The following MED13 variants were observed in gnomAD, a reference collection of about 807,000 sequenced individuals.
The protein encoded by MED13 is mediator of RNA polymerase II transcription subunit 13.
In MED13, 23 loss-of-function variants were observed where a neutral mutation model predicts 225.2. The observed-to-expected ratio is 0.10, with a 90% CI of 0.07 to 0.14. The LOEUF is 0.14. MED13 is among the 10% of genes least tolerant of loss of function. The pLI is 1.00. For missense variants in MED13, 2,197 were observed against 2,594.5 expected, an observed-to-expected ratio of 0.85 and a Z score of 3.33; for synonymous variants, 942 against 889.2, an observed-to-expected ratio of 1.06 and a Z score of -1.06.
At chr17:62,031,855 G>A (rs2080760513) in intron 5 of MED13, among the ~76,000 whole-genome samples, 1 of 151,290 alleles carries the variant, frequency 6.6e-6, no homozygotes, top group African/African-American at 2.4e-5. Flanking sequence ...GCTGTCAGTG[G>A]TGGTTATCTT....
intron 8 of MED13, among the ~76,000 whole-genome samples, chr17:62,025,972 G>A (rs1482791795): frequency 6.6e-6 from 1 of 152,210 alleles, no homozygotes; most frequent in Non-Finnish European, 1.5e-5. Flanking sequence ...ACTTGAGAGA[G>A]TCTGTTATTA....
At position 62,011,059 on chromosome 17, in the gene MED13, A is replaced by C; in HGVS notation, c.1458T>G (p.Val486=). The C allele has an allele frequency of 6.2e-7, 1 of 1,614,236 alleles. No homozygotes were observed. Among genetic ancestry groups the C allele is most frequent in the Non-Finnish European group, 8.5e-7 (1 of 1,180,026 alleles). ...FHHRVSVSDD[V]GMDADSASQR... ...GGCTGGCTGAATCTGCGTCCATGCCAACATCATCACTAACAGACACACGAT... is the reference window on the plus strand; with the variant it reads ...GGCTGGCTGAATCTGCGTCCATGCCCACATCATCACTAACAGACACACGAT... Residue 486 remains valine (V), a synonymous_variant, in exon 9 of 30, where the codon GTT becomes GTG. Coordinates refer to ENST00000397786, the MANE Select transcript of MED13 (RefSeq NM_005121.3).
Position 61,953,017 on chromosome 17 carries a change from G to A in MED13, c.6065C>T (p.Ser2022Phe). The change falls in exon 27 of 30, where the codon TCT becomes TTT. Residue 2022 changes from serine (S) to phenylalanine (F), a missense_variant. Physicochemically the swap from Ser to Phe is radical, Grantham distance 155 (BLOSUM62 -2). Coordinates refer to ENST00000397786, the MANE Select transcript of MED13 (RefSeq NM_005121.3). ...ATGAGATCCTGGAGAATGTACAGGA[G>A]AACCAGTTGGAGAAGCAGGAAGGAT... ...INILPASPTG[S>F]PVHSPGSHYP... 1 of 1,613,948 alleles carries A rather than the reference G, an allele frequency of 6.2e-7. No individual in the cohort carries two copies. Among genetic ancestry groups the A allele is most frequent in the Non-Finnish European group, 8.5e-7 (1 of 1,179,832 alleles).
rs1491124278 is a variant in MED13 at position 61,990,650 on chromosome 17, T to TATATATATATATATATAC, written c.2263+1889_2263+1890insGTATATATATATATATAT. Among the ~76,000 whole-genome samples the TATATATATATATATATAC allele has an allele frequency of 4.0e-4, 57 of 141,154 alleles. 1 individual carries two copies. The highest frequency in any genetic ancestry group is 1.5e-3 in the African/African-American group (55 of 37,210). The allele number at this position is 141,154 out of a possible 152,430, so 92.6% of individuals were successfully genotyped here. On this transcript the variant is annotated intron_variant, in intron 11 of 29. Coordinates refer to ENST00000397786, the MANE Select transcript of MED13 (RefSeq NM_005121.3). ...GTGTATATATATATATATATATATA[T>TATATATATATATATATAC]ACACACTCCCCCCCAAAACATCATG... is the stretch of plus-strand genomic sequence containing the variant.
At chr17:62,003,040 A>G (rs988960698) in intron 9 of MED13, among the ~76,000 whole-genome samples, 12 of 152,216 alleles carry the variant, frequency 7.9e-5, no homozygotes, top group African/African-American at 2.9e-4. Context: ...GTCTCTACAC[A>G]TTGGCAAATG....
chr17:61,985,196 A>G (rs1257836384), intron 12 of MED13, 106 bp from the exon 13 acceptor site: 8 of 903,442 alleles, frequency 8.9e-6, no homozygotes, highest in South Asian at 8.2e-5. Context: ...CATTAAAAGT[A>G]GTATTTTGAA....
intron 8 of MED13, among the ~76,000 whole-genome samples, chr17:62,016,477 C>T (rs982376905): frequency 3.3e-5 from 5 of 152,118 alleles, no homozygotes; most frequent in African/African-American, 1.2e-4. Context: ...CTGTATCTTC[C>T]AGCCCTTCAG....
At chr17:61,976,738 T>C (rs1013110654) in intron 16 of MED13, among the ~76,000 whole-genome samples, 1 of 152,054 alleles carries the variant, frequency 6.6e-6, no homozygotes, top group Non-Finnish European at 1.5e-5. Context: ...ATCGAGACCA[T>C]TCTGGCTAAC....
chr17:61,984,595 T>A, intron 14 of MED13, 56 bp downstream of exon 14: 1 of 1,449,460 alleles, frequency 6.9e-7, no homozygotes, highest in South Asian at 1.3e-5. Flanking sequence ...AGCAACAAAT[T>A]AATTCTATAA....
chr17:61,995,500 A>G, intron 9 of MED13, 135 bp from the exon 10 acceptor site: 1 of 594,632 alleles, frequency 1.7e-6, no homozygotes, highest in Non-Finnish European at 2.7e-6. Context: ...AGAAATGAGG[A>G]GGCATGAAAA....
chr17:62,004,962 T>G (rs940222738), intron 9 of MED13: 5 of 148,392 alleles, frequency 3.4e-5, no homozygotes, highest in South Asian at 2.1e-4. Flanking sequence ...TGCAGTGGAG[T>G]GATCTCTGCT....
At chr17:62,062,578 AACACACACACACACACACACACC>A (rs946748238) in intron 2 of MED13, among the ~76,000 whole-genome samples, 34 of 134,668 alleles carry the variant, frequency 2.5e-4, no homozygotes, top group South Asian at 1.4e-3. Flanking sequence ...CATGCCTTAA[AACACACACACACACACACACACC>A]ACACACACAC....
rs1246692933 is a variant in MED13, at chr17:61,946,600, C to T, written c.6393G>A (p.Arg2131=). Residue 2131 remains arginine (R), a splice_region_variant and synonymous_variant, in exon 30 of 30, where the codon AGG becomes AGA. Coordinates refer to ENST00000397786, the MANE Select transcript of MED13 (RefSeq NM_005121.3). ...GTGCATTGTACTGTTCCAAAACAAA[C>T]CTGAAAAGCAAATAAACTGCATAAG... ...LDSNQTSDVL[R]FVLEQYNALS... 1 of 1,609,286 alleles carries T rather than the reference C, an allele frequency of 6.2e-7. No homozygotes were observed. Among genetic ancestry groups the T allele is most frequent in the Admixed American group, 1.7e-5 (1 of 58,096 alleles).
chr17:61,987,307 C>T (rs556574010), intron 11 of MED13, among the ~76,000 whole-genome samples, 179 bp from the exon 12 acceptor site: 8 of 152,004 alleles, frequency 5.3e-5, no homozygotes, highest in Non-Finnish European at 1.0e-4. Flanking sequence ...TGGTGGCAGG[C>T]GCATGTAATC....
intron 16 of MED13, among the ~76,000 whole-genome samples, chr17:61,974,581 A>G (rs2080137700): frequency 1.3e-5 from 2 of 152,170 alleles, no homozygotes; most frequent in South Asian, 2.1e-4. Context: ...AGGAGTGATC[A>G]TGGAGGATAA....
At position 62,008,043 on chromosome 17, in the gene MED13, C is replaced by A. The variant is rs112037868; in HGVS notation, c.1967+2507G>T. On this transcript the variant is annotated intron_variant, in intron 9 of 29. Transcript: ENST00000397786. ...AAAAAAAAAAAAAAAAAAAGCTGTG[C>A]GCAGTGGCTCACGCCTGTAATCCCA... Among the ~76,000 whole-genome samples, 352 of 117,462 alleles carry A rather than the reference C, an allele frequency of 3.0e-3. 3 individuals carry two copies. The highest frequency in any genetic ancestry group is 0.011 in the African/African-American group (327 of 28,564). 77.1% of individuals were successfully genotyped at this position (117,462 alleles called of 152,430 possible). A position where few individuals can be genotyped will look rare whatever the true frequency, so the allele number is the denominator to read the frequency against.
chr17:61,965,827 T>C (rs2080053025), intron 19 of MED13, among the ~76,000 whole-genome samples: 1 of 152,226 alleles, frequency 6.6e-6, no homozygotes, highest in Non-Finnish European at 1.5e-5. Context: ...AAATATTGAC[T>C]ACATTGACAG....
chr17:61,964,081 A>C (rs78068620), intron 20 of MED13, among the ~76,000 whole-genome samples: 2 of 152,314 alleles, frequency 1.3e-5, no homozygotes, highest in African/African-American at 4.8e-5. Flanking sequence ...CTCTAAATAG[A>C]GTGGGTCAAT....
Position 62,035,459 on chromosome 17 carries a change from C to A in MED13, c.616+4G>T. 6.3e-7 allele frequency: 1 copy of A among 1,586,580 alleles called. No homozygotes were observed. Among genetic ancestry groups the A allele is most frequent in the Non-Finnish European group, 8.6e-7 (1 of 1,168,938 alleles). ...CAAATACCTAATATAATAAAATAAT[C>A]TACCTTGAAATGGGCTATTAGACTG... On this transcript the variant is annotated splice_donor_region_variant and intron_variant, in intron 4 of 29. Coordinates refer to ENST00000397786, the MANE Select transcript of MED13 (RefSeq NM_005121.3).
Sources: allele counts gnomAD v4.1 joint callset (sites outside exome capture counted in the v4.1 genomes callset), GRCh38; gene constraint gnomAD v4.1.1; transcripts MANE v1.5; gene names NCBI Gene and HGNC (gene_info 2026-07-23, HGNC 2026-07-21).